TTC21B: variants seen among roughly 807,000 people sequenced by gnomAD.
The protein encoded by TTC21B is tetratricopeptide repeat protein 21B.
TTC21B carries 127 observed loss-of-function variants against 175.1 expected under a neutral mutation model. That is an observed-to-expected ratio of 0.73 (90% CI 0.63 to 0.84). The LOEUF (loss-of-function observed/expected upper bound fraction) is 0.84. Among genes scored for constraint, TTC21B ranks in the 40% least tolerant of loss-of-function variants. The pLI is 0.00. For synonymous variants in TTC21B, 524 were observed against 524.5 expected (o/e 1.00, Z 0.01); for missense variants, 1,561 against 1,558.3 (o/e 1.00, Z -0.03).
intron 12 of TTC21B, among the ~76,000 whole-genome samples, chr2:165,922,925 C>T (rs548802699): frequency 3.3e-5 from 5 of 152,214 alleles, no homozygotes; most frequent in East Asian, 3.9e-4. Flanking sequence ...AATGAAATAA[C>T]GTGTTTTATA....
chr2:165,892,365 AC>A (rs1685223985), intron 22 of TTC21B, among the ~76,000 whole-genome samples: 1 of 152,172 alleles, frequency 6.6e-6, no homozygotes, highest in African/African-American at 2.4e-5. Context: ...CTGAGTATAT[AC>A]CCAAAAGATT....
Position 165,930,294 on chromosome 2 carries a change from T to C in TTC21B, c.965A>G (p.Gln322Arg), listed in dbSNP as rs1686839945. Residue 322 changes from glutamine to arginine, a missense_variant, in exon 9 of 29, where the codon CAG becomes CGG. Coordinates refer to ENST00000243344, the MANE Select transcript of TTC21B (RefSeq NM_024753.5). ...AAGTTCTGTAGCAAATTCTGATTGC[T>C]GAGGGTTTAAACTAAAAGCTCTCTC... ...LLERAFSLNP[Q>R]QSEFATELGY... 1 of 1,613,282 alleles carries C rather than the reference T, an allele frequency of 6.2e-7. No homozygotes were observed. The highest frequency in any genetic ancestry group is 2.2e-5 in the East Asian group (1 of 44,830).
intron 22 of TTC21B, among the ~76,000 whole-genome samples, chr2:165,896,430 T>G (rs900383609): frequency 6.6e-6 from 1 of 152,186 alleles, no homozygotes; most frequent in African/African-American, 2.4e-5. Context: ...ACAACGTTTC[T>G]GGTCACTTGA....
intron 3 of TTC21B, among the ~76,000 whole-genome samples, chr2:165,946,252 T>C (rs917638023): frequency 1.3e-5 from 2 of 151,364 alleles, no homozygotes; most frequent in Admixed American, 6.6e-5. Flanking sequence ...GGCAGGAGAA[T>C]GGCGTGAACT....
At chr2:165,934,095 T>C (rs1687016248) in intron 6 of TTC21B, 1 of 152,160 alleles carries the variant, frequency 6.6e-6, no homozygotes, top group South Asian at 2.1e-4. Context: ...AGAATACTTA[T>C]TATTATATGT....
chr2:165,909,947 T>C (rs1157310575), intron 18 of TTC21B, among the ~76,000 whole-genome samples: 1 of 152,268 alleles, frequency 6.6e-6, no homozygotes, highest in Non-Finnish European at 1.5e-5. Context: ...GTATAATAAT[T>C]GTGTATATAT....
intron 21 of TTC21B, 92 bp downstream of exon 21, chr2:165,899,678 A>G: frequency 1.2e-6 from 1 of 804,972 alleles, no homozygotes; most frequent in South Asian, 1.4e-5. Flanking sequence ...AACGTGAGCC[A>G]TGCCTCATCA....
chr2:165,919,374 C>T lies in TTC21B; in HGVS notation c.1576G>A (p.Ala526Thr), dbSNP rs769425579. The T allele has an allele frequency of 1.2e-6, 2 of 1,614,032 alleles. No individual in the cohort carries two copies. The highest frequency in any genetic ancestry group is 8.5e-7 in the Non-Finnish European group (1 of 1,179,988). Residue 526 changes from alanine to threonine, a missense_variant, in exon 13 of 29, where the codon GCT becomes ACT. Transcript: ENST00000243344. Reference protein sequence around the residue: ...QHCLEHNPSYADAHLLLAQVY... With the variant: ...QHCLEHNPSYTDAHLLLAQVY... ...TGAGCTAGCAGCAGATGAGCATCAG[C>T]ATAAGAGGGATTGTGTTCTAAGCAG...
chr2:165,902,994 C>T (rs1685617762), intron 19 of TTC21B, among the ~76,000 whole-genome samples: 1 of 152,216 alleles, frequency 6.6e-6, no homozygotes, highest in African/African-American at 2.4e-5. Context: ...GCAGCAGCCT[C>T]CAAGAATTTT....
chr2:165,907,557 ATT>A (rs1685780791), intron 19 of TTC21B, 119 bp downstream of exon 19: 1 of 697,118 alleles, frequency 1.4e-6, no homozygotes, highest in Admixed American at 2.1e-5. Context: ...AAGTATTTTG[ATT>A]TTGACATATT....
chr2:165,910,044 C>T (rs1685877303), intron 18 of TTC21B, among the ~76,000 whole-genome samples: 1 of 152,040 alleles, frequency 6.6e-6, no homozygotes, highest in African/African-American at 2.4e-5. Context: ...GGAGAGGACA[C>T]AACTTTTATT....
At chr2:165,915,830 C>T (rs910144428) in intron 14 of TTC21B, among the ~76,000 whole-genome samples, 2 of 152,122 alleles carry the variant, frequency 1.3e-5, no homozygotes, top group Non-Finnish European at 2.9e-5. Context: ...AATATTCTAC[C>T]TCATTTCCAA....
chr2:165,902,034 G>A, intron 19 of TTC21B, 124 bp from the exon 20 acceptor site: 5 of 850,120 alleles, frequency 5.9e-6, no homozygotes, highest in Non-Finnish European at 9.4e-6. Context: ...AACAAAGTCT[G>A]ATCCAAAGAA....
intron 19 of TTC21B, among the ~76,000 whole-genome samples, chr2:165,905,176 A>T (rs1320133487): frequency 6.7e-6 from 1 of 149,550 alleles, no homozygotes; most frequent in Admixed American, 6.6e-5. Flanking sequence ...GAATTTGGAT[A>T]AGAAGAAATG....
At chr2:165,928,969 G>A in intron 11 of TTC21B, 166 bp downstream of exon 11, 1 of 651,020 alleles carries the variant, frequency 1.5e-6, no homozygotes, top group South Asian at 1.8e-5. Flanking sequence ...GTTGACAGCA[G>A]TCATTACTAA....
intron 6 of TTC21B, among the ~76,000 whole-genome samples, chr2:165,938,574 T>C (rs1027597867): frequency 3.9e-5 from 6 of 152,040 alleles, no homozygotes; most frequent in African/African-American, 1.4e-4. Flanking sequence ...ATACAGAGGA[T>C]AAAGCAACAA....
chr2:165,913,041 T>C (rs981643851), intron 16 of TTC21B, among the ~76,000 whole-genome samples: 1 of 140,046 alleles, frequency 7.1e-6, no homozygotes, highest in African/African-American at 2.5e-5. Context: ...GTATCAACTC[T>C]ACATTTTTTT....
chr2:165,943,449 A>G, intron 4 of TTC21B, 108 bp from the exon 5 acceptor site: 1 of 862,854 alleles, frequency 1.2e-6, no homozygotes, highest in Non-Finnish European at 1.8e-6. Flanking sequence ...AAAGGACTCT[A>G]TCAAATATGT....
intron 15 of TTC21B, among the ~76,000 whole-genome samples, chr2:165,914,961 T>C (rs1686108500): frequency 6.6e-6 from 1 of 152,038 alleles, no homozygotes; most frequent in Non-Finnish European, 1.5e-5. Context: ...AAAATAATAT[T>C]TGATAAGGAG....
Sources: gnomAD v4.1 joint callset for allele counts (sites outside exome capture counted in the v4.1 genomes callset) on GRCh38, gnomAD v4.1.1 for gene constraint, MANE v1.5 for transcripts, NCBI Gene and HGNC (gene_info 2026-07-23, HGNC 2026-07-21) for gene names.